The following CCDC178 variants were observed in gnomAD, a reference collection of about 807,000 sequenced individuals.
The protein encoded by CCDC178 is coiled-coil domain containing 178, also known as coiled-coil domain-containing protein 178.
In CCDC178, 126 loss-of-function variants were observed where a neutral mutation model predicts 117.4. The observed-to-expected ratio is 1.07, with a 90% CI of 0.93 to 1.24. The LOEUF (loss-of-function observed/expected upper bound fraction) is 1.24, where lower values mean the gene tolerates loss of function less well. CCDC178 is among the 50% of genes most tolerant of loss of function. The pLI is 0.00. For missense variants in CCDC178, 1,030 were observed against 986.9 expected, an observed-to-expected ratio of 1.04 and a Z score of -0.59; for synonymous variants, 283 against 313.4, an observed-to-expected ratio of 0.90 and a Z score of 1.02.
intron 21 of CCDC178, among the ~76,000 whole-genome samples, chr18:33,053,430 G>C (rs757684074): frequency 9.2e-5 from 14 of 152,114 alleles, no homozygotes; most frequent in Non-Finnish European, 1.5e-5. Flanking sequence ...AATGGTGGAC[G>C]GACATAGGTA....
chr18:33,124,634 C>T (rs1479725630), intron 20 of CCDC178, among the ~76,000 whole-genome samples: 3 of 152,082 alleles, frequency 2.0e-5, no homozygotes. Flanking sequence ...TATCTTCTTT[C>T]TCTTTCAAAA....
chr18:33,307,304 G>A (rs945423504), intron 11 of CCDC178, among the ~76,000 whole-genome samples: 35 of 152,318 alleles, frequency 2.3e-4, no homozygotes, highest in Non-Finnish European at 4.3e-4. Context: ...ATGAAGTCCA[G>A]GCTGAGGTGG....
At chr18:33,424,720 A>G (rs544595839) in intron 2 of CCDC178, among the ~76,000 whole-genome samples, 1 of 152,220 alleles carries the variant, frequency 6.6e-6, no homozygotes, top group Non-Finnish European at 1.5e-5. Flanking sequence ...GCTGACGTGC[A>G]GGCATGGGGG....
chr18:33,151,801 A>T (rs2058344419), intron 20 of CCDC178, among the ~76,000 whole-genome samples: 1 of 152,226 alleles, frequency 6.6e-6, no homozygotes, highest in Admixed American at 6.5e-5. Context: ...GGATTAACTT[A>T]GTGAAGAGAG....
At chr18:33,055,831 G>A (rs1215620802) in intron 21 of CCDC178, among the ~76,000 whole-genome samples, 1 of 142,724 alleles carries the variant, frequency 7.0e-6, no homozygotes. Flanking sequence ...TTGAGAAGGA[G>A]TCTTGCTCTG....
chr18:33,174,283 C>T (rs1461654911), intron 20 of CCDC178, among the ~76,000 whole-genome samples: 1 of 152,136 alleles, frequency 6.6e-6, no homozygotes, highest in Non-Finnish European at 1.5e-5. Flanking sequence ...CAAATACCTC[C>T]CATCAAGCCC....
At chr18:33,320,675 A>G (rs569615150) in intron 11 of CCDC178, among the ~76,000 whole-genome samples, 233 of 152,344 alleles carry the variant, frequency 1.5e-3, no homozygotes, top group African/African-American at 4.9e-3. Context: ...AAGGTAATTG[A>G]TAGATTCAAT....
At chr18:32,977,902 T>TA (rs1411002018) in intron 21 of CCDC178, among the ~76,000 whole-genome samples, 1 of 152,070 alleles carries the variant, frequency 6.6e-6, no homozygotes, top group Admixed American at 6.6e-5. Context: ...ACAAATATGA[T>TA]AAAAAGCAAG....
At chr18:33,107,974 G>A (rs2057730182) in intron 20 of CCDC178, among the ~76,000 whole-genome samples, 1 of 151,542 alleles carries the variant, frequency 6.6e-6, no homozygotes, top group Non-Finnish European at 1.5e-5. Flanking sequence ...TGGCTCTTTG[G>A]GCAACTGCAT....
intron 21 of CCDC178, among the ~76,000 whole-genome samples, chr18:33,041,454 T>C (rs1048823080): frequency 1.3e-5 from 2 of 150,514 alleles, no homozygotes; most frequent in Non-Finnish European, 3.0e-5. Flanking sequence ...TTAGAAAAAA[T>C]CTAATGATAT....
intron 14 of CCDC178, among the ~76,000 whole-genome samples, chr18:33,260,575 C>T (rs893823719): frequency 3.3e-5 from 5 of 151,042 alleles, no homozygotes; most frequent in South Asian, 2.1e-4. Flanking sequence ...TGTGGTTTAC[C>T]TTTTCTCTGT....
chr18:33,141,598 A>G (rs2058206032), intron 20 of CCDC178, among the ~76,000 whole-genome samples: 1 of 152,190 alleles, frequency 6.6e-6, no homozygotes, highest in South Asian at 2.1e-4. Flanking sequence ...ATACTTAGTA[A>G]AATTTGGGAT....
chr18:33,174,807 C>A (rs1249144499), intron 20 of CCDC178, among the ~76,000 whole-genome samples: 1 of 151,858 alleles, frequency 6.6e-6, no homozygotes, highest in African/African-American at 2.4e-5. Flanking sequence ...GTAACCTTAT[C>A]TCTCCTTCTT....
At chr18:33,203,968 A>C (rs1598996939) in intron 20 of CCDC178, among the ~76,000 whole-genome samples, 1 of 152,360 alleles carries the variant, frequency 6.6e-6, no homozygotes, top group East Asian at 1.9e-4. Context: ...GGGGAAGCTA[A>C]CTTCTTGAAC....
At chr18:33,042,224 G>A (rs2056562009) in intron 21 of CCDC178, among the ~76,000 whole-genome samples, 1 of 151,832 alleles carries the variant, frequency 6.6e-6, no homozygotes, top group Non-Finnish European at 1.5e-5. Flanking sequence ...CCACCTTGAA[G>A]AAATTATCAA....
At chr18:32,947,172 A>C (rs1463188431) in intron 22 of CCDC178, among the ~76,000 whole-genome samples, 3 of 152,350 alleles carry the variant, frequency 2.0e-5, no homozygotes, top group Middle Eastern at 6.8e-3. Context: ...ACAACCAGGA[A>C]CATAACAATA....
At chr18:33,082,298 C>G (rs2057310115) in intron 21 of CCDC178, among the ~76,000 whole-genome samples, 1 of 152,084 alleles carries the variant, frequency 6.6e-6, no homozygotes, top group Non-Finnish European at 1.5e-5. Context: ...TAGTGAAACT[C>G]CATCTCTACC....
At chr18:33,266,165 G>A (rs1001369875) in intron 14 of CCDC178, among the ~76,000 whole-genome samples, 4 of 151,918 alleles carry the variant, frequency 2.6e-5, no homozygotes, top group African/African-American at 7.2e-5. Context: ...ATTAAATGGC[G>A]AATTCCAGAT....
At chr18:33,288,116 A>G (rs2060121293) in intron 12 of CCDC178, among the ~76,000 whole-genome samples, 1 of 152,050 alleles carries the variant, frequency 6.6e-6, no homozygotes, top group African/African-American at 2.4e-5. Context: ...AGATTCTGTG[A>G]ATGGCTACTC....
Sources: allele counts gnomAD v4.1 joint callset (sites outside exome capture counted in the v4.1 genomes callset), GRCh38; gene constraint gnomAD v4.1.1; transcripts MANE v1.5; gene names NCBI Gene and HGNC (gene_info 2026-07-23, HGNC 2026-07-21).